Variants in ZNF385D observed in about 807,000 individuals in gnomAD.
ZNF385D encodes the protein zinc finger protein 659.
In ZNF385D, 15 loss-of-function variants were observed where a neutral mutation model predicts 35.8. That is an observed-to-expected ratio of 0.42 (90% CI 0.28 to 0.64). ZNF385D has a LOEUF of 0.64. Ranked by LOEUF, ZNF385D falls within the 30% of genes least tolerant of loss-of-function variation. The pLI is 0.23. For synonymous variants in ZNF385D, 212 were observed against 186.8 expected, an observed-to-expected ratio of 1.13 and a Z score of -1.10; for missense variants, 474 against 494.6, an observed-to-expected ratio of 0.96 and a Z score of 0.39.
chr3:21,800,750 T>C (rs1183478789), intron 3 of ZNF385D, among the ~76,000 whole-genome samples: 2 of 152,180 alleles, frequency 1.3e-5, no homozygotes, highest in African/African-American at 4.8e-5. Context: ...TGTTTGTTGA[T>C]CTTGTTTATT....
At chr3:21,768,806 CG>C (rs1432895765) in intron 3 of ZNF385D, among the ~76,000 whole-genome samples, 1 of 151,850 alleles carries the variant, frequency 6.6e-6, no homozygotes, top group Non-Finnish European at 1.5e-5. Context: ...TGGGGACGAA[CG>C]CCCCATCCCC....
intron 3 of ZNF385D, among the ~76,000 whole-genome samples, chr3:21,551,040 G>A (rs935606308): frequency 2.0e-5 from 3 of 152,224 alleles, no homozygotes; most frequent in Admixed American, 2.0e-4. Flanking sequence ...TTGAATTGTT[G>A]CGTGTGTCTG....
At chr3:21,612,717 T>C (rs1259605330) in intron 2 of ZNF385D, among the ~76,000 whole-genome samples, 1 of 152,240 alleles carries the variant, frequency 6.6e-6, no homozygotes, top group Non-Finnish European at 1.5e-5. Flanking sequence ...TCTTGTGCTA[T>C]TGCTAAAAAG....
At chr3:21,655,970 A>G (rs1202813072) in intron 2 of ZNF385D, among the ~76,000 whole-genome samples, 2 of 152,032 alleles carry the variant, frequency 1.3e-5, no homozygotes, top group Non-Finnish European at 2.9e-5. Flanking sequence ...TTGATGATCA[A>G]TACATTTTTT....
chr3:21,773,654 A>T (rs1441498303), intron 3 of ZNF385D, among the ~76,000 whole-genome samples: 1 of 152,048 alleles, frequency 6.6e-6, no homozygotes, highest in Non-Finnish European at 1.5e-5. Flanking sequence ...CATGCAGCCC[A>T]CAAACATATG....
At chr3:21,896,831 T>TC (rs1266533451) in intron 3 of ZNF385D, among the ~76,000 whole-genome samples, 1 of 151,304 alleles carries the variant, frequency 6.6e-6, no homozygotes, top group East Asian at 1.9e-4. Context: ...TTTTTTTTTT[T>TC]TTTAAATGCT....
chr3:22,322,781 T>C (rs745651464), intron 2 of ZNF385D, among the ~76,000 whole-genome samples: 68 of 152,292 alleles, frequency 4.5e-4, no homozygotes, highest in Non-Finnish European at 1.9e-4. Flanking sequence ...TCCAGTAATG[T>C]TTTTGTTTTA....
chr3:21,725,342 C>T (rs188429779), intron 1 of ZNF385D, among the ~76,000 whole-genome samples: 2 of 152,192 alleles, frequency 1.3e-5, no homozygotes, highest in Non-Finnish European at 2.9e-5. Context: ...CAGAGCGGAA[C>T]TGAAGGAGAT....
chr3:22,235,806 G>T (rs925360813), intron 2 of ZNF385D, among the ~76,000 whole-genome samples: 1 of 152,038 alleles, frequency 6.6e-6, no homozygotes, highest in Non-Finnish European at 1.5e-5. Context: ...AGTCTGGGAG[G>T]AGTGCAAATT....
intron 2 of ZNF385D, among the ~76,000 whole-genome samples, chr3:21,613,071 T>G (rs909422684): frequency 7.9e-5 from 12 of 152,018 alleles, no homozygotes; most frequent in African/African-American, 2.9e-4. Context: ...TTTTTCAGAT[T>G]TAAACTCTCA....
chr3:22,123,218 G>A (rs185448346), intron 3 of ZNF385D, among the ~76,000 whole-genome samples: 12 of 152,140 alleles, frequency 7.9e-5, no homozygotes, highest in Admixed American at 2.0e-4. Context: ...GGGGAGAAGC[G>A]GGGGAGACTG....
At chr3:22,169,437 T>G (rs1706541800) in intron 2 of ZNF385D, among the ~76,000 whole-genome samples, 2 of 152,218 alleles carry the variant, frequency 1.3e-5, no homozygotes, top group African/African-American at 4.8e-5. Flanking sequence ...ATCCAAAGTT[T>G]TTAATCATCA....
intron 3 of ZNF385D, among the ~76,000 whole-genome samples, chr3:21,822,410 A>G (rs966510368): frequency 6.6e-6 from 1 of 152,216 alleles, no homozygotes; most frequent in East Asian, 1.9e-4. Flanking sequence ...AAACTTTTCA[A>G]AAATTAAAAA....
chr3:21,694,623 T>C (rs560808943), intron 1 of ZNF385D, among the ~76,000 whole-genome samples: 2 of 152,342 alleles, frequency 1.3e-5, no homozygotes, highest in South Asian at 4.1e-4. Context: ...TGGTGAACTA[T>C]GGTGAAGTAA....
chr3:22,328,395 T>C lies in ZNF385D; in HGVS notation c.106+44055A>G, dbSNP rs566294768. The stretch of plus-strand genomic sequence containing the variant: ...TGATTCAGTATTTCTATACTTCTGA[T>C]GTTAGTATATAAGTATACATTGAAC... On this transcript the variant is annotated intron_variant, in intron 2 of 5. Coordinates refer to the ZNF385D transcript ENST00000494108. Among the ~76,000 whole-genome samples the C allele has an allele frequency of 3.3e-5, 5 of 152,318 alleles. No homozygotes were observed. In the East Asian group the frequency reaches 7.7e-4, roughly 23 times the overall value.
chr3:21,799,411 C>T (rs895503177), intron 3 of ZNF385D, among the ~76,000 whole-genome samples: 15 of 152,200 alleles, frequency 9.9e-5, no homozygotes, highest in African/African-American at 2.9e-4. Context: ...AGTTTCTCTA[C>T]ATCCTCATTA....
chr3:22,341,074 G>T (rs1052297925), intron 2 of ZNF385D, among the ~76,000 whole-genome samples: 3 of 152,132 alleles, frequency 2.0e-5, no homozygotes, highest in Non-Finnish European at 4.4e-5. Flanking sequence ...CTTAGACAAA[G>T]AATCAAGAAA....
At chr3:21,573,426 G>A (rs1012703662) in intron 2 of ZNF385D, among the ~76,000 whole-genome samples, 78 of 152,248 alleles carry the variant, frequency 5.1e-4, no homozygotes, top group African/African-American at 1.9e-3. Context: ...CAAGGACTTG[G>A]GAAAAATGGA....
chr3:22,007,547 A>C (rs922463271), intron 3 of ZNF385D, among the ~76,000 whole-genome samples: 43 of 152,314 alleles, frequency 2.8e-4, no homozygotes, highest in African/African-American at 7.9e-4. Flanking sequence ...ATGGTTATGT[A>C]ATTTTGAAAA....
Sources: allele counts gnomAD v4.1 joint callset (sites outside exome capture counted in the v4.1 genomes callset), GRCh38; gene constraint gnomAD v4.1.1; transcripts MANE v1.5; gene names NCBI Gene and HGNC (gene_info 2026-07-23, HGNC 2026-07-21).